Variants in UPP2 observed in about 807,000 individuals in gnomAD.
UPP2 encodes the protein UPase 2.
In UPP2, 23 loss-of-function variants were observed where a neutral mutation model predicts 26.7. The ratio of observed to expected loss-of-function variants is 0.86; its 90% CI spans 0.62 to 1.22. The LOEUF (loss-of-function observed/expected upper bound fraction) is 1.22, where lower values mean the gene tolerates loss of function less well. Among genes scored for constraint, UPP2 ranks in the 50% most tolerant of loss-of-function variants. UPP2 has a pLI of 0.00. For missense variants in UPP2, 387 were observed against 396.7 expected, an observed-to-expected ratio of 0.98 and a Z score of 0.21; for synonymous variants, 127 against 141.3, an observed-to-expected ratio of 0.90 and a Z score of 0.72.
chr2:158,088,108 G>A (rs370604556), intron 3 of UPP2, among the ~76,000 whole-genome samples: 36 of 151,948 alleles, frequency 2.4e-4, no homozygotes, highest in South Asian at 4.2e-4. Context: ...CTTCTTCCTC[G>A]GGAACACCAA....
intron 3 of UPP2, among the ~76,000 whole-genome samples, chr2:158,043,357 T>C (rs997524474): frequency 4.6e-5 from 7 of 151,780 alleles, no homozygotes; most frequent in Admixed American, 4.6e-4. Context: ...AATCCCGACA[T>C]TGCAAAAGGG....
chr2:158,127,279 A>C (rs536541332), intron 6 of UPP2, among the ~76,000 whole-genome samples: 1 of 152,322 alleles, frequency 6.6e-6, no homozygotes, highest in East Asian at 1.9e-4. Flanking sequence ...CTATATTTCC[A>C]GTCTGTTTAT....
chr2:158,133,481 T>C (rs1463592278), intron 6 of UPP2, among the ~76,000 whole-genome samples: 1 of 152,140 alleles, frequency 6.6e-6, no homozygotes, highest in African/African-American at 2.4e-5. Flanking sequence ...TGTAATAACG[T>C]ATAGTGAAAA....
chr2:158,121,028 AAG>A (rs1436318356), intron 4 of UPP2, among the ~76,000 whole-genome samples: 2 of 152,068 alleles, frequency 1.3e-5, no homozygotes, highest in Non-Finnish European at 2.9e-5. Context: ...TACAGTAATC[AAG>A]AAGTCGCAGA....
At chr2:158,058,373 G>T (rs1457689905) in intron 3 of UPP2, among the ~76,000 whole-genome samples, 1 of 37,604 alleles carries the variant, frequency 2.7e-5, no homozygotes, top group East Asian at 4.4e-4. Flanking sequence ...ATGCTTGTAT[G>T]CTCTCTCTCT....
intron 3 of UPP2, among the ~76,000 whole-genome samples, chr2:158,038,816 T>C (rs1574258042): frequency 6.6e-6 from 1 of 152,212 alleles, no homozygotes; most frequent in Non-Finnish European, 1.5e-5. Flanking sequence ...GAAAGGGTTG[T>C]ATGTGCCTGG....
At position 158,135,312 on chromosome 2, in the gene UPP2, T is replaced by C. The variant is rs1683910421; in HGVS notation, c.*422T>C. 1 of 153,672 alleles carries C rather than the reference T, an allele frequency of 6.5e-6. No individual in the cohort carries two copies. Among genetic ancestry groups the C allele is most frequent in the African/African-American group, 2.4e-5 (1 of 41,468 alleles). The allele number at this position is 153,672 out of a possible 1,614,324, so 9.5% of individuals were successfully genotyped here. ...ACAAGTGACAGAAACTGATCATCCA[T>C]ATTCAAAATATTTACAGAAAAAAGT... On this transcript the variant is annotated 3_prime_UTR_variant, in exon 7 of 7. Coordinates refer to ENST00000005756, the MANE Select transcript of UPP2 (RefSeq NM_173355.4).
chr2:158,020,329 GT>G (rs1413981064), intron 3 of UPP2, among the ~76,000 whole-genome samples: 1 of 152,176 alleles, frequency 6.6e-6, no homozygotes, highest in Non-Finnish European at 1.5e-5. Flanking sequence ...TCTTCAGAAG[GT>G]TTGGTATGAG....
chr2:158,081,428 A>G (rs892087802), intron 3 of UPP2, among the ~76,000 whole-genome samples: 2 of 152,128 alleles, frequency 1.3e-5, no homozygotes, highest in Non-Finnish European at 2.9e-5. Context: ...AAAAACTAAA[A>G]ATAGATCTAC....
chr2:158,125,993 T>C (rs543846398), intron 6 of UPP2, among the ~76,000 whole-genome samples: 1 of 152,236 alleles, frequency 6.6e-6, no homozygotes, highest in East Asian at 1.9e-4. Context: ...AAATGCCGAG[T>C]TATCAACATG....
At chr2:158,040,864 T>C (rs1490603052) in intron 3 of UPP2, among the ~76,000 whole-genome samples, 6 of 152,222 alleles carry the variant, frequency 3.9e-5, no homozygotes. Context: ...ATGTAACTAA[T>C]ATTACTAGCC....
chr2:158,122,883 G>T (rs925281862), intron 5 of UPP2, among the ~76,000 whole-genome samples: 1 of 152,130 alleles, frequency 6.6e-6, no homozygotes, highest in African/African-American at 2.4e-5. Context: ...GTGGTGGCAC[G>T]CAGCTCTAAT....
intron 2 of UPP2, among the ~76,000 whole-genome samples, chr2:158,006,262 A>G (rs1029497661): frequency 6.6e-6 from 1 of 152,212 alleles, no homozygotes; most frequent in African/African-American, 2.4e-5. Context: ...GATCAAGACC[A>G]TCCTGGCTAA....
chr2:158,066,630 C>CT (rs3046317), intron 3 of UPP2, among the ~76,000 whole-genome samples: 6,280 of 146,012 alleles, frequency 0.043, 232 homozygotes, highest in East Asian at 0.15. Flanking sequence ...ACCATTGATT[C>CT]TTTTTTTTTT....
In UPP2 at chr2:158,135,232, T is replaced by C. The variant is rs1260190673; in HGVS notation, c.*342T>C. On this transcript the variant is annotated 3_prime_UTR_variant, in exon 7 of 7. Coordinates refer to ENST00000005756, the MANE Select transcript of UPP2 (RefSeq NM_173355.4). ...ACATAGTTACCAGTCACTCTGTTTC[T>C]GAAACCAATCCAGAAATTCATGTTA... The C allele has an allele frequency of 5.9e-6, 1 of 169,726 alleles. No individual in the cohort carries two copies. The highest frequency in any genetic ancestry group is 2.4e-5 in the African/African-American group (1 of 42,034). The allele number at this position is 169,726 out of a possible 1,614,324, so 10.5% of individuals were successfully genotyped here. A position where few individuals can be genotyped will look rare whatever the true frequency, so the allele number is the denominator to read the frequency against.
chr2:158,058,242 G>A (rs58749902), intron 3 of UPP2, among the ~76,000 whole-genome samples: 84,819 of 148,346 alleles, frequency 0.57, 24,692 homozygotes, highest in Admixed American at 0.69. Flanking sequence ...GCAGTGAGCC[G>A]AGATTGTGCC....
chr2:158,007,505 C>T (rs776557983), intron 2 of UPP2, among the ~76,000 whole-genome samples: 1 of 152,176 alleles, frequency 6.6e-6, no homozygotes, highest in Non-Finnish European at 1.5e-5. Context: ...AGGGCCTCAT[C>T]TAACCATGTC....
At chr2:158,101,803 T>C, upstream of UPP2, 1 of 1,202,142 alleles carries the variant, frequency 8.3e-7, no homozygotes, top group Non-Finnish European at 1.0e-6. Flanking sequence ...GGGGCCTATC[T>C]TCTTGAGGAA....
chr2:158,058,373 GCTCT>G (rs869246675), intron 3 of UPP2, among the ~76,000 whole-genome samples: 503 of 37,494 alleles, frequency 0.013, 8 homozygotes, highest in East Asian at 0.092. Context: ...ATGCTTGTAT[GCTCT>G]CTCTCTCTCT....
Sources: gnomAD v4.1 joint callset for allele counts (sites outside exome capture counted in the v4.1 genomes callset) on GRCh38, gnomAD v4.1.1 for gene constraint, MANE v1.5 for transcripts, NCBI Gene and HGNC (gene_info 2026-07-23, HGNC 2026-07-21) for gene names.